The following HOOK1 variants were observed in gnomAD, a reference collection of about 807,000 sequenced individuals.
HOOK1 encodes protein Hook homolog 1.
HOOK1 carries 60 observed loss-of-function variants against 112.8 expected under a neutral mutation model. The ratio of observed to expected loss-of-function variants is 0.53; its 90% confidence interval spans 0.43 to 0.66. The LOEUF is 0.66. HOOK1 is among the 30% of genes least tolerant of loss of function. HOOK1 has a pLI of 0.00. For synonymous variants in HOOK1, 294 were observed against 283.8 expected (o/e 1.04, Z -0.36); for missense variants, 770 against 856.0 (o/e 0.90, Z 1.25).
intron 15 of HOOK1, 147 bp downstream of exon 15, chr1:59,860,475 TC>T: frequency 1.6e-6 from 1 of 610,500 alleles, no homozygotes; most frequent in Non-Finnish European, 2.6e-6. Context: ...TAGTCTTTCA[TC>T]ACTATAAGCT....
chr1:59,868,189 G>A lies in HOOK1; in HGVS notation c.1846-61G>A, dbSNP rs187591719. On this transcript the variant is annotated intron_variant, in intron 19 of 21. Coordinates refer to ENST00000371208, the MANE Select transcript of HOOK1 (RefSeq NM_015888.6). ...TACTTACACAGTTTTTGTAAGATAT[G>A]TTCTATATGTTTTAATACTTTAAAA... 74 of 894,684 alleles carry A rather than the reference G, an allele frequency of 8.3e-5. No homozygotes were observed. The African/African-American group carries it at 1.2e-3, about 15-fold the overall frequency. 55.4% of individuals were successfully genotyped at this position (894,684 alleles called of 1,614,324 possible).
At chr1:59,859,132 T>C (rs969232909) in intron 14 of HOOK1, 87 bp downstream of exon 14, 4 of 460,644 alleles carry the variant, frequency 8.7e-6, no homozygotes, top group African/African-American at 6.2e-5. Flanking sequence ...TAAAAACTTA[T>C]TTTATGACTC....
chr1:59,816,255 T>C (rs2098381425), intron 1 of HOOK1, among the ~76,000 whole-genome samples: 1 of 152,226 alleles, frequency 6.6e-6, no homozygotes, highest in Non-Finnish European at 1.5e-5. Context: ...GAAATAGCCA[T>C]AATTTAAAGC....
chr1:59,818,203 C>A (rs560172156), intron 1 of HOOK1, among the ~76,000 whole-genome samples: 2 of 152,102 alleles, frequency 1.3e-5, no homozygotes, highest in Non-Finnish European at 2.9e-5. Flanking sequence ...GGAACACACA[C>A]ATTTGTCATG....
intron 2 of HOOK1, among the ~76,000 whole-genome samples, chr1:59,822,574 A>G (rs569349288): frequency 6.6e-6 from 1 of 152,298 alleles, no homozygotes; most frequent in South Asian, 2.1e-4. Context: ...ATATTTGCCA[A>G]CATTGTTTAA....
intron 15 of HOOK1, among the ~76,000 whole-genome samples, chr1:59,862,345 TAATTTA>T (rs995937000): frequency 1.2e-4 from 19 of 152,180 alleles, no homozygotes; most frequent in African/African-American, 4.6e-4. Flanking sequence ...GCACTCCCTT[TAATTTA>T]AATTTAAAAA....
chr1:59,845,047 C>T (rs889059478), intron 9 of HOOK1, among the ~76,000 whole-genome samples: 1 of 151,922 alleles, frequency 6.6e-6, no homozygotes, highest in Non-Finnish European at 1.5e-5. Context: ...ATACCTTAGA[C>T]AGGGTAATTT....
intron 18 of HOOK1, among the ~76,000 whole-genome samples, 154 bp from the exon 19 acceptor site, chr1:59,865,718 G>A (rs1204089729): frequency 1.3e-5 from 2 of 151,934 alleles, no homozygotes; most frequent in East Asian, 3.9e-4. Flanking sequence ...TTTTAGATAA[G>A]AATTCACTAC....
rs367708992 is a variant in HOOK1 at position 59,847,106 on chromosome 1, G to A, written c.850G>A (p.Glu284Lys). The A allele has an allele frequency of 8.7e-6, 14 of 1,608,548 alleles. No individual in the cohort carries two copies. The highest frequency in any genetic ancestry group is 3.3e-5 in the South Asian group (3 of 90,238). Residue 284 changes from glutamate to lysine, a missense_variant, in exon 10 of 22, where the codon GAA becomes AAA. By Grantham distance (56) the Glu-to-Lys change is moderately conservative. Transcript: ENST00000371208. ...TGAAGAACTTGAAAAGCAGCTAATC[G>A]AATTCCAGCATAGGAATGATGAATT... ...HCEELEKQLIEFQHRNDELTS... is the reference protein window; with the variant it reads ...HCEELEKQLIKFQHRNDELTS...
At chr1:59,856,087 A>C (rs1226144849) in intron 12 of HOOK1, among the ~76,000 whole-genome samples, 1 of 131,688 alleles carries the variant, frequency 7.6e-6, no homozygotes, top group East Asian at 2.2e-4. Flanking sequence ...CCCATAGTGA[A>C]TTGTTTGTTT....
At chr1:59,848,575 T>C (rs867687928) in intron 11 of HOOK1, 59 bp downstream of exon 11, 1 of 1,180,378 alleles carries the variant, frequency 8.5e-7, no homozygotes. Flanking sequence ...TTGTTATTCC[T>C]TTTGATGTCT....
chr1:59,826,615 A>G (rs1212879167), intron 2 of HOOK1, among the ~76,000 whole-genome samples: 3 of 152,252 alleles, frequency 2.0e-5, no homozygotes, highest in Admixed American at 6.5e-5. Context: ...AAAGGTAATT[A>G]TAGCATAGAA....
At chr1:59,823,122 C>A (rs896178781) in intron 2 of HOOK1, among the ~76,000 whole-genome samples, 2 of 152,202 alleles carry the variant, frequency 1.3e-5, no homozygotes, top group African/African-American at 4.8e-5. Flanking sequence ...AGATCGAGAC[C>A]ATCCTGGCTA....
chr1:59,816,789 T>C (rs1200490974), intron 1 of HOOK1, among the ~76,000 whole-genome samples: 1 of 152,174 alleles, frequency 6.6e-6, no homozygotes, highest in Non-Finnish European at 1.5e-5. Flanking sequence ...CAGAGTAAAA[T>C]TGGTCGTTTT....
At chr1:59,855,244 G>A (rs1023468792) in intron 12 of HOOK1, among the ~76,000 whole-genome samples, 13 of 152,290 alleles carry the variant, frequency 8.5e-5, no homozygotes, top group East Asian at 1.9e-4. Flanking sequence ...CAGGTATTAA[G>A]CCCAGTACCC....
intron 1 of HOOK1, 26 bp downstream of exon 1, chr1:59,815,206 AG>A (rs1553459510): frequency 5.2e-6 from 8 of 1,537,342 alleles, no homozygotes; most frequent in Non-Finnish European, 5.2e-6. Context: ...CGAGAGGGCG[AG>A]GGGGCCAGGG....
intron 2 of HOOK1, among the ~76,000 whole-genome samples, chr1:59,823,486 A>C (rs2098387426): frequency 6.6e-6 from 1 of 152,170 alleles, no homozygotes; most frequent in Non-Finnish European, 1.5e-5. Context: ...CCTTCTTCTC[A>C]TCATGCTATG....
intron 21 of HOOK1, 151 bp from the exon 22 acceptor site, chr1:59,872,644 T>C (rs965839303): frequency 2.3e-5 from 10 of 430,804 alleles, no homozygotes; most frequent in African/African-American, 1.8e-4. Flanking sequence ...TTTCATAGAT[T>C]AATCAGCTTC....
intron 11 of HOOK1, among the ~76,000 whole-genome samples, 177 bp downstream of exon 11, chr1:59,848,693 T>C (rs2098405499): frequency 6.6e-6 from 1 of 151,474 alleles, no homozygotes; most frequent in African/African-American, 2.4e-5. Context: ...TGAGTTTGAG[T>C]TATCTGGGTC....
Sources: allele counts gnomAD v4.1 joint callset (sites outside exome capture counted in the v4.1 genomes callset), GRCh38; gene constraint gnomAD v4.1.1; transcripts MANE v1.5; gene names NCBI Gene and HGNC (gene_info 2026-07-23, HGNC 2026-07-21).